Variants in DOCK7 observed in about 807,000 individuals in gnomAD.
DOCK7 encodes the protein dedicator of cytokinesis protein 7.
DOCK7 carries 138 observed loss-of-function variants against 271.0 expected under a neutral mutation model. That is an observed-to-expected ratio of 0.51 (90% CI 0.44 to 0.59). The LOEUF (loss-of-function observed/expected upper bound fraction) is 0.59. DOCK7 is among the 20% of genes least tolerant of loss of function. DOCK7 has a pLI of 0.00. For missense variants in DOCK7, 2,066 were observed against 2,592.4 expected, an observed-to-expected ratio of 0.80 and a Z score of 4.41; for synonymous variants, 823 against 876.1, an observed-to-expected ratio of 0.94 and a Z score of 1.07.
intron 44 of DOCK7, 106 bp from the exon 45 acceptor site, chr1:62,476,262 G>T: frequency 1.5e-6 from 1 of 683,890 alleles, no homozygotes; most frequent in Non-Finnish European, 2.4e-6. Flanking sequence ...AGTGAGTTCT[G>T]TACAATCATA....
chr1:62,613,432 C>T (rs553243974), intron 14 of DOCK7, among the ~76,000 whole-genome samples: 17 of 152,092 alleles, frequency 1.1e-4, no homozygotes, highest in African/African-American at 3.1e-4. Flanking sequence ...TAGGGAGGCG[C>T]GGGGAACGAC....
At chr1:62,546,763 C>G (rs777238362) in intron 22 of DOCK7, among the ~76,000 whole-genome samples, 1 of 152,018 alleles carries the variant, frequency 6.6e-6, no homozygotes, top group Non-Finnish European at 1.5e-5. Flanking sequence ...AAAATATCTG[C>G]CTTCTCAGAA....
In DOCK7 at chr1:62,658,351, G is replaced by C. The variant is rs559879702; in HGVS notation, c.145-4192C>G. Among the ~76,000 whole-genome samples, 13 of 152,056 alleles carry C rather than the reference G, an allele frequency of 8.5e-5. No homozygotes were observed. In the East Asian group the frequency reaches 2.3e-3, roughly 27 times the overall value. On this transcript the variant is annotated intron_variant, in intron 2 of 49. Transcript: ENST00000635253. ...CACCTATAATCCCAGCTACTCGGGA[G>C]GCTGCGGCATGAGAATCGCTTGAAT...
rs751463267 is a variant in DOCK7, at chr1:62,529,498, T to C, written c.3612-52A>G. 7 of 1,407,042 alleles carry C rather than the reference T, an allele frequency of 5.0e-6. No homozygotes were observed. The South Asian group carries it at 9.2e-5, about 18-fold the overall frequency. 87.2% of individuals were successfully genotyped at this position (1,407,042 alleles called of 1,614,324 possible). ...GAAAAAGCAGTAAGGCCACAGAGATTAGCTAACATCTTTAAAACAAACAGT... is the reference window on the plus strand; with the variant it reads ...GAAAAAGCAGTAAGGCCACAGAGATCAGCTAACATCTTTAAAACAAACAGT... On this transcript the variant is annotated intron_variant, in intron 29 of 49. Coordinates refer to ENST00000635253, the MANE Select transcript of DOCK7 (RefSeq NM_001367561.1).
rs570290230 is a variant in DOCK7, at chr1:62,521,555, G to A, written c.3936+6596C>T. Among the ~76,000 whole-genome samples, 9 of 152,192 alleles carry A rather than the reference G, an allele frequency of 5.9e-5. No homozygotes were observed. The South Asian group carries it at 8.3e-4, about 14-fold the overall frequency. ...CAAGAAAAGGTACAAAAATCTAGCC[G>A]TAGAAAAAAGTTTACATCTACTACA... On this transcript the variant is annotated intron_variant, in intron 31 of 49. Coordinates refer to ENST00000635253, the MANE Select transcript of DOCK7 (RefSeq NM_001367561.1).
intron 14 of DOCK7, among the ~76,000 whole-genome samples, chr1:62,597,058 C>T (rs1649362669): frequency 1.3e-5 from 2 of 152,142 alleles, no homozygotes. Flanking sequence ...AGAGCCGTAA[C>T]ACCACCTGAG....
chr1:62,588,529 C>G (rs1210983061), intron 14 of DOCK7, among the ~76,000 whole-genome samples: 2 of 152,074 alleles, frequency 1.3e-5, no homozygotes, highest in Non-Finnish European at 2.9e-5. Flanking sequence ...TGATTGCACC[C>G]CTGTAGTGTC....
rs117553046 is a variant in DOCK7, at chr1:62,466,427, G to A, written c.6212+7555C>T. On this transcript the variant is annotated intron_variant, in intron 48 of 49. Coordinates refer to ENST00000635253, the MANE Select transcript of DOCK7 (RefSeq NM_001367561.1). ...AACGCCTGAACCTTGAAGGGAAAAGGTAAAAGCTTCTGGTTGAACAACAAA... is the reference window on the plus strand; with the variant it reads ...AACGCCTGAACCTTGAAGGGAAAAGATAAAAGCTTCTGGTTGAACAACAAA... 3.6e-4 allele frequency among the ~76,000 whole-genome samples: 55 copies of A among 152,302 alleles called. No individual in the cohort carries two copies. The East Asian group carries it at 9.1e-3, about 25-fold the overall frequency.
chr1:62,605,017 T>G, intron 14 of DOCK7: 2 of 554,416 alleles, frequency 3.6e-6, no homozygotes, highest in Non-Finnish European at 6.3e-6. Context: ...TCAAAATTCT[T>G]ATAATACTAT....
intron 18 of DOCK7, among the ~76,000 whole-genome samples, chr1:62,571,592 CACAT>C (rs1387348247): frequency 6.6e-6 from 1 of 152,154 alleles, no homozygotes; most frequent in Non-Finnish European, 1.5e-5. Context: ...ATTATAAAGA[CACAT>C]GCATGTGTAT....
In DOCK7 at chr1:62,604,723, G is replaced by A. The variant is rs1477295517; in HGVS notation, c.1682+13983C>T. The A allele has an allele frequency of 1.9e-6, 3 of 1,613,082 alleles. No homozygotes were observed. The African/African-American group carries it at 4.0e-5, about 22-fold the overall frequency. On this transcript the variant is annotated intron_variant, in intron 14 of 49. Transcript: ENST00000635253. The stretch of plus-strand genomic sequence containing the variant: ...GCAAAATCTAAGCCAGAGAGGAGAA[G>A]AGGATTATCTTGGAAGTCTCAAAAT...
chr1:62,558,913 G>GT (rs374596440), intron 20 of DOCK7, 76 bp downstream of exon 20: 96,148 of 815,422 alleles, frequency 0.12, 2 homozygotes, highest in South Asian at 0.16. Flanking sequence ...TAGAAATCAT[G>GT]TTTTTTTTTT....
At position 62,618,699 on chromosome 1, in the gene DOCK7, C is replaced by A; in HGVS notation, c.1682+7G>T. Reference sequence around the variant, plus strand: ...CTATCAGAATTCTCCAAATTAAAATCTCTTACCTGTAAGTAGTGTTTGGAA... The same window carrying A: ...CTATCAGAATTCTCCAAATTAAAATATCTTACCTGTAAGTAGTGTTTGGAA... On this transcript the variant is annotated splice_region_variant and intron_variant, in intron 14 of 49. Coordinates refer to ENST00000635253, the MANE Select transcript of DOCK7 (RefSeq NM_001367561.1). The A allele has an allele frequency of 1.2e-6, 2 of 1,609,390 alleles. No homozygotes were observed. Among genetic ancestry groups the A allele is most frequent in the Non-Finnish European group, 8.5e-7 (1 of 1,176,178 alleles).
intron 14 of DOCK7, among the ~76,000 whole-genome samples, chr1:62,613,919 T>C (rs1490786973): frequency 1.3e-5 from 2 of 152,170 alleles, no homozygotes; most frequent in African/African-American, 4.8e-5. Context: ...ATCTATAAAA[T>C]AGGGATAACC....
At chr1:62,460,480 T>C (rs1645487908) in intron 48 of DOCK7, among the ~76,000 whole-genome samples, 1 of 152,182 alleles carries the variant, frequency 6.6e-6, no homozygotes, top group South Asian at 2.1e-4. Flanking sequence ...CAGGAGGATG[T>C]ACATAGGTTA....
At position 62,477,852 on chromosome 1, in the gene DOCK7, G is replaced by A. The variant is rs914040336; in HGVS notation, c.5509-27C>T. The A allele has an allele frequency of 3.2e-6, 5 of 1,557,306 alleles. No homozygotes were observed. In the African/African-American group the frequency reaches 6.9e-5, roughly 21 times the overall value. On this transcript the variant is annotated intron_variant, in intron 43 of 49. Transcript: ENST00000635253. Reference sequence around the variant, plus strand: ...TTACCATCCTAGGTTTAGGAAAATGGAGAAACTTTAATATGAAATCTTCCT... The same window carrying A: ...TTACCATCCTAGGTTTAGGAAAATGAAGAAACTTTAATATGAAATCTTCCT...
intron 37 of DOCK7, among the ~76,000 whole-genome samples, chr1:62,501,096 C>T (rs2149313282): frequency 6.6e-6 from 1 of 152,220 alleles, no homozygotes; most frequent in South Asian, 2.1e-4. Flanking sequence ...ACCTGCAGTC[C>T]CAGCACTTTG....
chr1:62,626,892 G>A (rs1654021379), intron 11 of DOCK7, among the ~76,000 whole-genome samples: 1 of 152,016 alleles, frequency 6.6e-6, no homozygotes, highest in Admixed American at 6.6e-5. Context: ...CATTCTATGA[G>A]GCCAGTATTA....
chr1:62,573,654 A>T (rs942207984), intron 18 of DOCK7, among the ~76,000 whole-genome samples: 16 of 152,352 alleles, frequency 1.1e-4, no homozygotes, highest in African/African-American at 3.8e-4. Flanking sequence ...ACTTCATTTT[A>T]AAAGTAATTT....
Sources: gnomAD v4.1 joint callset for allele counts (sites outside exome capture counted in the v4.1 genomes callset) on GRCh38, gnomAD v4.1.1 for gene constraint, MANE v1.5 for transcripts, NCBI Gene and HGNC (gene_info 2026-07-23, HGNC 2026-07-21) for gene names.